ABCB1: variants seen among roughly 807,000 people sequenced by gnomAD.
The protein encoded by ABCB1 is ATP binding cassette subfamily B member 1, also known as ATP-dependent translocase ABCB1.
In ABCB1, 69 loss-of-function variants were observed where a neutral mutation model predicts 142.0. The ratio of observed to expected loss-of-function variants is 0.49; its 90% CI spans 0.40 to 0.59. The LOEUF is 0.59. ABCB1 is among the 20% of genes least tolerant of loss of function. The pLI is 0.00. For missense variants in ABCB1, 1,326 were observed against 1,554.7 expected, an observed-to-expected ratio of 0.85 and a Z score of 2.47; for synonymous variants, 532 against 539.2, an observed-to-expected ratio of 0.99 and a Z score of 0.18.
intron 1 of ABCB1, among the ~76,000 whole-genome samples, chr7:87,614,699 T>C (rs1819972974): frequency 6.6e-6 from 1 of 152,370 alleles, no homozygotes; most frequent in Admixed American, 6.5e-5. Context: ...CTATTGGCTT[T>C]GGCTTTTATT....
chr7:87,525,245 G>A (rs951140544), intron 21 of ABCB1, among the ~76,000 whole-genome samples: 9 of 152,036 alleles, frequency 5.9e-5, no homozygotes, highest in African/African-American at 2.2e-4. Context: ...AAACTGTTGT[G>A]TACTAAATAA....
intron 27 of ABCB1, among the ~76,000 whole-genome samples, chr7:87,505,589 A>G (rs891845078): frequency 6.6e-6 from 1 of 152,210 alleles, no homozygotes; most frequent in Non-Finnish European, 1.5e-5. Flanking sequence ...TTACACTACC[A>G]CTTTTCCTTA....
At chr7:87,709,005 G>T (rs1563151676) in intron 1 of ABCB1, among the ~76,000 whole-genome samples, 1 of 151,956 alleles carries the variant, frequency 6.6e-6, no homozygotes. Flanking sequence ...TAGTTTTTAA[G>T]TTGTTCTACT....
At chr7:87,604,117 GAA>G (rs1357616003), upstream of ABCB1, among the ~76,000 whole-genome samples, 1 of 152,064 alleles carries the variant, frequency 6.6e-6, no homozygotes, top group African/African-American at 2.4e-5. Context: ...CACATTTATA[GAA>G]ATTAAAAAGC....
intron 19 of ABCB1, 128 bp from the exon 20 acceptor site, chr7:87,536,669 T>C (rs1451261588): frequency 1.3e-6 from 1 of 770,398 alleles, no homozygotes; most frequent in East Asian, 2.6e-5. Context: ...GATGTGACAT[T>C]CAATACACAA....
chr7:87,541,855 G>A (rs546833314), intron 17 of ABCB1, among the ~76,000 whole-genome samples: 1 of 152,270 alleles, frequency 6.6e-6, no homozygotes, highest in South Asian at 2.1e-4. Context: ...AACCTGATGT[G>A]GTTTTTTGGT....
chr7:87,541,566 C>G, intron 17 of ABCB1, 102 bp from the exon 18 acceptor site: 1 of 823,202 alleles, frequency 1.2e-6, no homozygotes, highest in Non-Finnish European at 2.1e-6. Flanking sequence ...GTCAGGAGAG[C>G]CTTAGTACGC....
chr7:87,694,442 T>A (rs1010928723), intron 1 of ABCB1, among the ~76,000 whole-genome samples: 2 of 152,242 alleles, frequency 1.3e-5, no homozygotes, highest in African/African-American at 4.8e-5. Flanking sequence ...GCTGGACCTT[T>A]GTACTTAATG....
In ABCB1 at chr7:87,550,173, T is replaced by C; in HGVS notation, c.1348A>G (p.Met450Val). 1 of 1,614,156 alleles carries C rather than the reference T, an allele frequency of 6.2e-7. No homozygotes were observed. The highest frequency in any genetic ancestry group is 8.5e-7 in the Non-Finnish European group (1 of 1,180,032). ...CTAGCTCGCATGGGTCATCTCACCA[T>C]CCCCTCTGTGGGGTCATAGAGCCTC... ...MQRLYDPTEG[M>V]VSVDGQDIRT... Residue 450 changes from methionine to valine, a missense_variant and splice_region_variant, in exon 12 of 28, where the codon ATG becomes GTG. Met to Val is a conservative substitution (Grantham distance 21). Transcript: ENST00000622132.
At chr7:87,565,190 C>G (rs1817739364) in intron 7 of ABCB1, among the ~76,000 whole-genome samples, 1 of 152,154 alleles carries the variant, frequency 6.6e-6, no homozygotes, top group African/African-American at 2.4e-5. Flanking sequence ...AAAATTTCTA[C>G]AGTTTCTTAA....
chr7:87,649,429 T>C (rs1823352529), intron 1 of ABCB1, among the ~76,000 whole-genome samples: 1 of 152,146 alleles, frequency 6.6e-6, no homozygotes, highest in Non-Finnish European at 1.5e-5. Flanking sequence ...AAGATGAAGA[T>C]TGAAAACACA....
chr7:87,570,536 C>G (rs1818005323), intron 4 of ABCB1, among the ~76,000 whole-genome samples: 1 of 152,168 alleles, frequency 6.6e-6, no homozygotes, highest in South Asian at 2.1e-4. Flanking sequence ...ACTCCAAGAT[C>G]CCACTAAAGA....
At chr7:87,600,294 G>C (rs1584914621) in intron 1 of ABCB1, 104 bp from the exon 2 acceptor site, 1 of 937,270 alleles carries the variant, frequency 1.1e-6, no homozygotes, top group Non-Finnish European at 1.7e-6. Flanking sequence ...CAGTAAGAGG[G>C]AGCGCCCGCC....
chr7:87,626,759 A>ATGTGTCATATATATG (rs10677971), intron 1 of ABCB1, among the ~76,000 whole-genome samples: 5 of 47,412 alleles, frequency 1.1e-4, no homozygotes, highest in South Asian at 1.8e-3. Flanking sequence ...TGTCATATAT[A>ATGTGTCATATATATG]TGTCATATAT....
chr7:87,667,034 C>A (rs754338323), intron 1 of ABCB1, among the ~76,000 whole-genome samples: 1 of 151,980 alleles, frequency 6.6e-6, no homozygotes, highest in Non-Finnish European at 1.5e-5. Flanking sequence ...AAGAATGTCA[C>A]TGGTAGTTTG....
intron 1 of ABCB1, among the ~76,000 whole-genome samples, chr7:87,644,161 G>A (rs539245656): frequency 6.6e-6 from 1 of 152,198 alleles, no homozygotes. Flanking sequence ...GCCCAGACCT[G>A]CAAATTGTTG....
chr7:87,550,328 G>A (rs2129709369), intron 11 of ABCB1, 32 bp from the exon 12 acceptor site: 1 of 1,613,914 alleles, frequency 6.2e-7, no homozygotes, highest in Non-Finnish European at 8.5e-7. Context: ...AAACTTCAAG[G>A]CAATTCACAG....
chr7:87,669,200 T>C (rs1825584598), intron 1 of ABCB1, among the ~76,000 whole-genome samples: 1 of 152,200 alleles, frequency 6.6e-6, no homozygotes, highest in Non-Finnish European at 1.5e-5. Flanking sequence ...TTAGGTTTTT[T>C]TGTTGAATTG....
rs923785015 is a variant in ABCB1 at position 87,621,008 on chromosome 7, TA to T, written c.-330-19931del. 3.2e-3 allele frequency among the ~76,000 whole-genome samples: 468 copies of T among 148,374 alleles called. 2 individuals are homozygous for T. Among genetic ancestry groups the T allele is most frequent in the African/African-American group, 0.011 (442 of 40,598 alleles). ...AACTATGAAACGCCACCAAGTGAAA[TA>T]AAAAAAAAATGTGAAGAAATAGACA... On this transcript the variant is annotated intron_variant, in intron 1 of 28. Coordinates refer to the ABCB1 transcript ENST00000265724.
Sources: gnomAD v4.1 joint callset for allele counts (sites outside exome capture counted in the v4.1 genomes callset) on GRCh38, gnomAD v4.1.1 for gene constraint, MANE v1.5 for transcripts, NCBI Gene and HGNC (gene_info 2026-07-23, HGNC 2026-07-21) for gene names.